BIRC6: variants seen among roughly 807,000 people sequenced by gnomAD.
BIRC6 encodes the protein dual E2 ubiquitin-conjugating enzyme/E3 ubiquitin-protein ligase BIRC6.
In BIRC6, 98 loss-of-function variants were observed where a neutral mutation model predicts 503.3. That is an observed-to-expected ratio of 0.19 (90% CI 0.17 to 0.23). BIRC6 has a LOEUF of 0.23. Among genes scored for constraint, BIRC6 ranks in the 10% least tolerant of loss-of-function variants. BIRC6 has a pLI of 1.00. For synonymous variants in BIRC6, 2,240 were observed against 2,078.7 expected, an observed-to-expected ratio of 1.08 and a Z score of -2.11; for missense variants, 5,360 against 5,806.0, an observed-to-expected ratio of 0.92 and a Z score of 2.50.
chr2:32,497,151 C>T (rs1370655715), intron 45 of BIRC6, among the ~76,000 whole-genome samples: 3 of 152,234 alleles, frequency 2.0e-5, no homozygotes, highest in East Asian at 1.9e-4. Flanking sequence ...ATTGTTTCTT[C>T]TTTCATCTGT....
chr2:32,381,082 C>T (rs1042619453), intron 3 of BIRC6, among the ~76,000 whole-genome samples: 1 of 152,110 alleles, frequency 6.6e-6, no homozygotes. Flanking sequence ...CTAAGTTATA[C>T]TGCATATCAA....
chr2:32,545,057 A>C (rs1032885159), intron 62 of BIRC6, among the ~76,000 whole-genome samples: 3 of 152,146 alleles, frequency 2.0e-5, no homozygotes, highest in Non-Finnish European at 2.9e-5. Flanking sequence ...AAAAGGAAAA[A>C]AAAATGGCTT....
rs2042307522 is a variant in BIRC6 at position 32,415,643 on chromosome 2, G to A, written c.2352G>A (p.Leu784=). Residue 784 remains leucine, a synonymous_variant, in exon 10 of 74, where the codon CTG becomes CTA. Transcript: ENST00000421745. ...SALCNRRKGE[L]ESNLAVVNGA... is the part of the protein sequence containing the mutation. ...TATGTAATAGACGGAAAGGTGAGCTGGAATCAAATCTTGCTGTAGTGAATG... is the reference window on the plus strand; with the variant it reads ...TATGTAATAGACGGAAAGGTGAGCTAGAATCAAATCTTGCTGTAGTGAATG... 2 of 1,613,770 alleles carry A rather than the reference G, an allele frequency of 1.2e-6. No individual in the cohort carries two copies. Among genetic ancestry groups the A allele is most frequent in the Non-Finnish European group, 1.7e-6 (2 of 1,179,882 alleles).
chr2:32,513,507 G>A (rs769742148), intron 54 of BIRC6, among the ~76,000 whole-genome samples: 2 of 152,196 alleles, frequency 1.3e-5, no homozygotes, highest in African/African-American at 2.4e-5. Flanking sequence ...TGGGCATGGT[G>A]GCTCACACCT....
At position 32,513,122 on chromosome 2, in the gene BIRC6, C is replaced by A; in HGVS notation, c.10536C>A (p.Asp3512Glu). 6.2e-7 allele frequency: 1 copy of A among 1,613,728 alleles called. No homozygotes were observed. Among genetic ancestry groups the A allele is most frequent in the Non-Finnish European group, 8.5e-7 (1 of 1,179,790 alleles). Reference sequence around the variant, plus strand: ...GTTATGAGCTGCTTGTAGAATATGACTTACCAGCACTCCTGGACCAAGAGC... The same window carrying A: ...GTTATGAGCTGCTTGTAGAATATGAATTACCAGCACTCCTGGACCAAGAGC... Reference protein sequence around the residue: ...WHSYELLVEYDLPALLDQELF... With the variant: ...WHSYELLVEYELPALLDQELF... The change falls in exon 54 of 74, where the codon GAC becomes GAA. Residue 3512 changes from aspartate (D) to glutamate (E), a missense_variant. Physicochemically the swap from Asp to Glu is conservative, Grantham distance 45 (BLOSUM62 2). Coordinates refer to ENST00000421745, the MANE Select transcript of BIRC6 (RefSeq NM_016252.4).
chr2:32,383,264 T>G (rs943893868), intron 3 of BIRC6, among the ~76,000 whole-genome samples: 2 of 151,444 alleles, frequency 1.3e-5, no homozygotes, highest in African/African-American at 4.9e-5. Flanking sequence ...AGGCTGGTCT[T>G]GAACTCCTGA....
chr2:32,461,847 AAT>A (rs1208772372), intron 23 of BIRC6, among the ~76,000 whole-genome samples: 1 of 152,110 alleles, frequency 6.6e-6, no homozygotes, highest in Non-Finnish European at 1.5e-5. Context: ...TCATACGTAT[AAT>A]AGTAGCAACA....
chr2:32,463,138 C>A lies in BIRC6; in HGVS notation c.4754-56C>A, dbSNP rs115066065. On this transcript the variant is annotated intron_variant, in intron 23 of 73. Coordinates refer to ENST00000421745, the MANE Select transcript of BIRC6 (RefSeq NM_016252.4). ...ATATTTGAACATGTTTTGTCTTTAA[C>A]CTTTTCTTCATCCTGGTGTTTTTTG... The A allele has an allele frequency of 3.7e-4, 531 of 1,416,694 alleles. 2 individuals are homozygous for A. In the African/African-American group the frequency reaches 7.0e-3, roughly 19 times the overall value. 87.8% of individuals were successfully genotyped at this position (1,416,694 alleles called of 1,614,324 possible).
chr2:32,427,406 C>T (rs1380704195), intron 10 of BIRC6, among the ~76,000 whole-genome samples: 1 of 152,098 alleles, frequency 6.6e-6, no homozygotes, highest in African/African-American at 2.4e-5. Flanking sequence ...CCTCAGCCTC[C>T]TGAGTAGCTC....
chr2:32,456,306 A>G (rs2047257803), intron 23 of BIRC6, among the ~76,000 whole-genome samples: 2 of 152,312 alleles, frequency 1.3e-5, no homozygotes, highest in East Asian at 1.9e-4. Flanking sequence ...TTTCAATCCT[A>G]TGATTATGGC....
At chr2:32,533,438 G>C (rs1302288987) in intron 61 of BIRC6, among the ~76,000 whole-genome samples, 1 of 152,088 alleles carries the variant, frequency 6.6e-6, no homozygotes, top group African/African-American at 2.4e-5. Context: ...ATTGAGAGAA[G>C]AACTGTTGAA....
intron 58 of BIRC6, 24 bp downstream of exon 58, chr2:32,525,043 C>T: frequency 6.8e-7 from 1 of 1,461,894 alleles, no homozygotes; most frequent in Non-Finnish European, 9.0e-7. Flanking sequence ...TTTTTATAAT[C>T]TTGATTTTGT....
At chr2:32,474,221 A>G (rs1463756547) in intron 33 of BIRC6, among the ~76,000 whole-genome samples, 3 of 152,030 alleles carry the variant, frequency 2.0e-5, no homozygotes, top group African/African-American at 7.2e-5. Context: ...AGACTTGGCA[A>G]TACGTTTTTT....
At chr2:32,537,498 A>C (rs192652538) in intron 61 of BIRC6, among the ~76,000 whole-genome samples, 90 of 151,946 alleles carry the variant, frequency 5.9e-4, no homozygotes, top group African/African-American at 2.0e-3. Flanking sequence ...CAAGCAACAA[A>C]ATAAGCAAAA....
intron 15 of BIRC6, among the ~76,000 whole-genome samples, chr2:32,437,115 C>G (rs952958937): frequency 2.6e-5 from 4 of 151,944 alleles, no homozygotes; most frequent in East Asian, 1.9e-4. Context: ...ATGTGGAACT[C>G]TTGAGCCCAG....
intron 26 of BIRC6, 47 bp from the exon 27 acceptor site, chr2:32,467,478 G>T: frequency 7.1e-7 from 1 of 1,408,336 alleles, no homozygotes; most frequent in Non-Finnish European, 1.0e-6. Context: ...TGTATCATTT[G>T]GTTAATTGAT....
chr2:32,522,732 C>T (rs2055859395), intron 57 of BIRC6: 2 of 152,044 alleles, frequency 1.3e-5, no homozygotes, highest in African/African-American at 4.8e-5. Context: ...TCCCTGAAAC[C>T]CTGGGGTTGC....
rs369960712 is a variant in BIRC6, at chr2:32,515,231, G to A, written c.10810G>A (p.Ala3604Thr). Residue 3604 changes from alanine (A) to threonine (T), a missense_variant, in exon 55 of 74, where the codon GCA becomes ACA. Physicochemically the swap from Ala to Thr is moderately conservative, Grantham distance 58. Coordinates refer to ENST00000421745, the MANE Select transcript of BIRC6 (RefSeq NM_016252.4). ...CTCTAAAAATGCACAAGCACCTCTC[G>A]CATTAACTGAATCACATTTGGCTAC... ...DDSKNAQAPL[A>T]LTESHLATLA... 6.2e-6 allele frequency: 10 copies of A among 1,613,750 alleles called. No individual in the cohort carries two copies. Among genetic ancestry groups the A allele is most frequent in the Middle Eastern group, 1.6e-4 (1 of 6,062 alleles).
rs148551312 is a variant in BIRC6 at position 32,556,220 on chromosome 2, T to C, written c.13144+6739T>C. ...GGAAATGACTTTGGTATAGAATATATGACTCTGTGTTAAATAATTATGACT... is the reference window on the plus strand; with the variant it reads ...GGAAATGACTTTGGTATAGAATATACGACTCTGTGTTAAATAATTATGACT... On this transcript the variant is annotated intron_variant, in intron 65 of 73. Transcript: ENST00000421745. 7.9e-5 allele frequency among the ~76,000 whole-genome samples: 12 copies of C among 152,332 alleles called. 1 individual carries two copies. Among genetic ancestry groups the C allele is most frequent in the African/African-American group, 2.9e-4 (12 of 41,576 alleles).
Sources: gnomAD v4.1 joint callset for allele counts (sites outside exome capture counted in the v4.1 genomes callset) on GRCh38, gnomAD v4.1.1 for gene constraint, MANE v1.5 for transcripts, NCBI Gene and HGNC (gene_info 2026-07-23, HGNC 2026-07-21) for gene names.